The following LDHA variants were observed in gnomAD, a reference collection of about 807,000 sequenced individuals.
The protein encoded by LDHA is lactate dehydrogenase A.
In LDHA, 10 loss-of-function variants were observed where a neutral mutation model predicts 36.3. That is an observed-to-expected ratio of 0.28 (90% CI 0.17 to 0.47). The LOEUF (loss-of-function observed/expected upper bound fraction) is 0.47. Among genes scored for constraint, LDHA ranks in the 20% least tolerant of loss-of-function variants. The pLI is 0.99. For missense variants in LDHA, 267 were observed against 405.8 expected (o/e 0.66, Z 2.94); for synonymous variants, 110 against 136.7 (o/e 0.80, Z 1.36).
chr11:18,406,008 C>G (rs1866669234), intron 7 of LDHA, among the ~76,000 whole-genome samples: 1 of 152,128 alleles, frequency 6.6e-6, no homozygotes, highest in Non-Finnish European at 1.5e-5. Context: ...CCTCTGTCAC[C>G]CAGGCTGCAG....
Position 18,403,693 on chromosome 11 carries a change from G to T in LDHA, c.593-1G>T. ...AATGTAGTCTGTACTATTTCTTTTAGTGCCTGTATGGAGTGGAATGAATGT... is the reference window on the plus strand; with the variant it reads ...AATGTAGTCTGTACTATTTCTTTTATTGCCTGTATGGAGTGGAATGAATGT... On this transcript the variant is annotated splice_acceptor_variant, in intron 5 of 7. Coordinates refer to ENST00000422447, the MANE Select transcript of LDHA (RefSeq NM_005566.4). LOFTEE classifies it high-confidence loss of function. 1 of 1,523,156 alleles carries T rather than the reference G, an allele frequency of 6.6e-7. No homozygotes were observed. Among genetic ancestry groups the T allele is most frequent in the Non-Finnish European group, 9.1e-7 (1 of 1,097,452 alleles). The allele number at this position is 1,523,156 out of a possible 1,614,324, so 94.4% of individuals were successfully genotyped here.
At chr11:18,403,414 C>T (rs956029323) in intron 5 of LDHA, among the ~76,000 whole-genome samples, 1 of 152,102 alleles carries the variant, frequency 6.6e-6, no homozygotes, top group Non-Finnish European at 1.5e-5. Context: ...AAGAAAACCC[C>T]CCTTATGTTC....
chr11:18,403,786 GA>G lies in LDHA; in HGVS notation c.686del (p.Glu229GlyfsTer13). The G allele has an allele frequency of 1.2e-6, 2 of 1,602,046 alleles. No homozygotes were observed. The highest frequency in any genetic ancestry group is 1.1e-5 in the South Asian group (1 of 90,832). ...TGATAAAGATAAGGAACAGTGGAAA[GA>G]GGTTCACAAGCAGGTGGTTGAGAGG... is the stretch of plus-strand genomic sequence containing the variant. ...GTDKDKEQWKEVHKQVVESAY... is the reference protein window; with the variant it reads ...GTDKDKEQWKXVHKQVVESAY... On this transcript the variant is annotated frameshift_variant, in exon 6 of 8. Transcript: ENST00000422447. LOFTEE classifies it high-confidence loss of function.
chr11:18,396,205 C>A, intron 1 of LDHA: 1 of 257,450 alleles, frequency 3.9e-6, no homozygotes, highest in Non-Finnish European at 7.3e-6. Flanking sequence ...CGGCTTCGCC[C>A]TGCGCGCTGT....
chr11:18,401,199 G>C (rs1866481298), intron 4 of LDHA, among the ~76,000 whole-genome samples, 189 bp downstream of exon 4: 1 of 149,930 alleles, frequency 6.7e-6, no homozygotes, highest in East Asian at 1.9e-4. Flanking sequence ...GCCCAGGTTG[G>C]AGTGCAGTGG....
chr11:18,400,432 CACACACACACACACACACACACACACACA>C (rs1483378592), intron 3 of LDHA: 23 of 2,174 alleles, frequency 0.011, no homozygotes, highest in East Asian at 0.045. Flanking sequence ...ACCACCACCA[CACACACACACACACACACACACACACACA>C]CACACACACA....
intron 1 of LDHA, 133 bp from the exon 2 acceptor site, chr11:18,396,686 C>T: frequency 1.5e-6 from 2 of 1,362,396 alleles, no homozygotes; most frequent in Non-Finnish European, 9.8e-7. Flanking sequence ...GGTTTTTTCC[C>T]CTCCCTTTTT....
At chr11:18,401,637 C>T (rs1866507064) in intron 4 of LDHA, among the ~76,000 whole-genome samples, 1 of 151,180 alleles carries the variant, frequency 6.6e-6, no homozygotes, top group Non-Finnish European at 1.5e-5. Context: ...ACCACGACGC[C>T]TGGCTAATTT....
At chr11:18,395,651 G>C (rs1326586894) in intron 1 of LDHA, among the ~76,000 whole-genome samples, 1 of 152,204 alleles carries the variant, frequency 6.6e-6, no homozygotes, top group African/African-American at 2.4e-5. Flanking sequence ...GGTCCTCTCG[G>C]ATTTTTGCCC....
chr11:18,400,432 CACACA>C (rs1192213965), intron 3 of LDHA: 4 of 2,184 alleles, frequency 1.8e-3, no homozygotes, highest in East Asian at 0.031. Flanking sequence ...ACCACCACCA[CACACA>C]CACACACACA....
intron 2 of LDHA, chr11:18,397,390 A>T (rs1292424556): frequency 6.4e-6 from 1 of 156,114 alleles, no homozygotes; most frequent in Non-Finnish European, 1.4e-5. Flanking sequence ...TGTGCCTTGG[A>T]TAGCAATTTT....
chr11:18,403,959 C>T (rs1866585266), intron 6 of LDHA, 148 bp downstream of exon 6: 2 of 658,404 alleles, frequency 3.0e-6, no homozygotes, highest in Admixed American at 4.3e-5. Flanking sequence ...GAGACAGAAT[C>T]TTGCCCTTTC....
Position 18,407,925 on chromosome 11 carries a change from C to T in LDHA, c.*644C>T. 2 of 453,996 alleles carry T rather than the reference C, an allele frequency of 4.4e-6. No homozygotes were observed. The highest frequency in any genetic ancestry group is 6.9e-4 in the Middle Eastern group (1 of 1,444). 28.1% of individuals were successfully genotyped at this position (453,996 alleles called of 1,614,324 possible). A position where few individuals can be genotyped will look rare whatever the true frequency, so the allele number is the denominator to read the frequency against. ...ATTATATTAATTTGGAAATATTAGG[C>T]TATTCTTGGGCAACCCTGCAACGAT... On this transcript the variant is annotated 3_prime_UTR_variant, in exon 8 of 8. Transcript: ENST00000422447.
rs1866771808 is a variant in LDHA at position 18,408,154 on chromosome 11, A to C, written c.*873A>C. The C allele has an allele frequency of 2.2e-6, 1 of 454,034 alleles. No homozygotes were observed. The highest frequency in any genetic ancestry group is 2.4e-5 in the Admixed American group (1 of 42,552). The allele number at this position is 454,034 out of a possible 1,614,324, so 28.1% of individuals were successfully genotyped here. A position where few individuals can be genotyped will look rare whatever the true frequency, so the allele number is the denominator to read the frequency against. ...CAATGATAGTGTGTCACTATAGGGA[A>C]CACAGATTTTTGAGATCTTGTCCTC... On this transcript the variant is annotated 3_prime_UTR_variant, in exon 8 of 8. Coordinates refer to ENST00000422447, the MANE Select transcript of LDHA (RefSeq NM_005566.4).
At chr11:18,397,668 G>A (rs1214751740) in intron 2 of LDHA, among the ~76,000 whole-genome samples, 2 of 151,970 alleles carry the variant, frequency 1.3e-5, no homozygotes, top group African/African-American at 4.8e-5. Context: ...AAAATTAGCC[G>A]GGCGTGGTGG....
chr11:18,403,112 G>A lies in LDHA; in HGVS notation c.592+99G>A, dbSNP rs932794300. The A allele has an allele frequency of 3.1e-5, 30 of 979,386 alleles. No homozygotes were observed. In the South Asian group the frequency reaches 3.2e-4, roughly 10 times the overall value. The allele number at this position is 979,386 out of a possible 1,614,324, so 60.7% of individuals were successfully genotyped here. Reference sequence around the variant, plus strand: ...TAGAGCCTAATCAAATATCCATTCAGTAGGATGGAATGGTTTCCCGAAATC... The same window carrying A: ...TAGAGCCTAATCAAATATCCATTCAATAGGATGGAATGGTTTCCCGAAATC... On this transcript the variant is annotated intron_variant, in intron 5 of 7. Transcript: ENST00000422447.
At position 18,400,917 on chromosome 11, in the gene LDHA, T is replaced by C. The variant is rs140239987; in HGVS notation, c.325T>C (p.Leu109=). 26 of 1,613,262 alleles carry C rather than the reference T, an allele frequency of 1.6e-5. No individual in the cohort carries two copies. Among genetic ancestry groups the C allele is most frequent in the African/African-American group, 2.7e-5 (2 of 74,842 alleles). The part of the protein sequence containing the change: ...RQQEGESRLN[L]VQRNVNIFKF... ...GCAAGAGGGAGAAAGCCGTCTTAAT[T>C]TGGTCCAGCGTAACGTGAACATCTT... Residue 109 remains leucine, a synonymous_variant, in exon 4 of 8, where the codon TTG becomes CTG. Coordinates refer to ENST00000422447, the MANE Select transcript of LDHA (RefSeq NM_005566.4).
Position 18,400,916 on chromosome 11 carries a change from T to C in LDHA, c.324T>C (p.Asn108=), listed in dbSNP as rs1264039199. Residue 108 remains asparagine, a synonymous_variant, in exon 4 of 8, where the codon AAT becomes AAC. Coordinates refer to ENST00000422447, the MANE Select transcript of LDHA (RefSeq NM_005566.4). The part of the protein sequence containing the change: ...ARQQEGESRL[N]LVQRNVNIFK... The stretch of plus-strand genomic sequence containing the variant: ...AGCAAGAGGGAGAAAGCCGTCTTAA[T>C]TTGGTCCAGCGTAACGTGAACATCT... The C allele has an allele frequency of 1.9e-6, 3 of 1,613,334 alleles. No individual in the cohort carries two copies. The highest frequency in any genetic ancestry group is 2.5e-6 in the Non-Finnish European group (3 of 1,179,520).
Position 18,398,890 on chromosome 11 carries a change from A to AGGCGTG in LDHA, c.127-541_127-540insGGCGTG, listed in dbSNP as rs1398056224. On this transcript the variant is annotated intron_variant, in intron 2 of 7. Coordinates refer to ENST00000422447, the MANE Select transcript of LDHA (RefSeq NM_005566.4). ...TGGCCTCCCAAAGTGCTGGGATTACAAGCGTGAGCCACCGTGCCTGGCCTG... is the reference window on the plus strand; with the variant it reads ...TGGCCTCCCAAAGTGCTGGGATTACAGGCGTGAGCGTGAGCCACCGTGCCTGGCCTG... 3 of 168,584 alleles carry AGGCGTG rather than the reference A, an allele frequency of 1.8e-5. No individual in the cohort carries two copies. In the East Asian group the frequency reaches 4.7e-4, roughly 26 times the overall value. The allele number at this position is 168,584 out of a possible 1,614,324, so 10.4% of individuals were successfully genotyped here.
Sources: gnomAD v4.1 joint callset for allele counts (sites outside exome capture counted in the v4.1 genomes callset) on GRCh38, gnomAD v4.1.1 for gene constraint, MANE v1.5 for transcripts, NCBI Gene and HGNC (gene_info 2026-07-23, HGNC 2026-07-21) for gene names.